Variants in TULP3 observed in about 807,000 individuals in gnomAD.
TULP3 encodes TUB like protein 3.
A neutral mutation model predicts 50.7 loss-of-function variants in TULP3; 38 were observed. The observed-to-expected ratio is 0.75, with a 90% CI of 0.58 to 0.98. TULP3 has a LOEUF of 0.98. Ranked by LOEUF, TULP3 falls within the 50% of genes least tolerant of loss-of-function variation. The pLI, the probability that TULP3 is intolerant of heterozygous loss-of-function variation, is 0.00. For synonymous variants in TULP3, 183 were observed against 196.6 expected, an observed-to-expected ratio of 0.93 and a Z score of 0.58; for missense variants, 550 against 568.0, an observed-to-expected ratio of 0.97 and a Z score of 0.32.
chr12:2,897,791 A>AAAAAAAAAC (rs1565496038), intron 1 of TULP3, among the ~76,000 whole-genome samples: 2 of 150,486 alleles, frequency 1.3e-5, no homozygotes, highest in East Asian at 3.9e-4. Context: ...AAAAAAAAAA[A>AAAAAAAAAC]TTCTAGGCCC....
In TULP3 at chr12:2,922,191, AT is replaced by A. The variant is rs1451662875; in HGVS notation, c.254-70del. 4.5e-6 allele frequency: 7 copies of A among 1,542,018 alleles called. No homozygotes were observed. In the Admixed American group the frequency reaches 9.9e-5, roughly 22 times the overall value. On this transcript the variant is annotated intron_variant, in intron 3 of 10. Transcript: ENST00000448120. ...TGGTAGTTCTTAATTCTGATCACATATGCCAAATCTACCCAACTAGTGAATA... is the reference window on the plus strand; with the variant it reads ...TGGTAGTTCTTAATTCTGATCACATAGCCAAATCTACCCAACTAGTGAATA...
In TULP3 at chr12:2,919,949, C is replaced by T. The variant is rs1290690488; in HGVS notation, c.94-814C>T. ...AAACAAGAATGCCAAACTTACTGCC[C>T]TTTGACTAATTAGAACATGGAAATA... On this transcript the variant is annotated intron_variant, in intron 2 of 10. Coordinates refer to ENST00000448120, the MANE Select transcript of TULP3 (RefSeq NM_003324.5). Among the ~76,000 whole-genome samples, 4 of 151,322 alleles carry T rather than the reference C, an allele frequency of 2.6e-5. No homozygotes were observed. In the East Asian group the frequency reaches 5.8e-4, roughly 22 times the overall value.
rs2098204253 is a variant in TULP3, at chr12:2,940,661, T to C, written c.*1217T>C. On this transcript the variant is annotated 3_prime_UTR_variant, in exon 11 of 11. Coordinates refer to ENST00000448120, the MANE Select transcript of TULP3 (RefSeq NM_003324.5). ...CCCGTGGCGGCTGCTCCCTCAGACC[T>C]CCCTTCTGTGGACTGACCTCTCACC... The C allele has an allele frequency of 1.3e-6, 2 of 1,551,556 alleles. No homozygotes were observed. Among genetic ancestry groups the C allele is most frequent in the Middle Eastern group, 1.7e-4 (1 of 6,014 alleles).
chr12:2,932,606 A>G (rs1052969678), intron 6 of TULP3, among the ~76,000 whole-genome samples: 2 of 149,506 alleles, frequency 1.3e-5, no homozygotes, highest in African/African-American at 4.9e-5. Flanking sequence ...AAAAGCCATC[A>G]CAGTAAAGAA....
chr12:2,900,043 C>T (rs932244626), intron 1 of TULP3, among the ~76,000 whole-genome samples: 5 of 150,028 alleles, frequency 3.3e-5, no homozygotes, highest in Admixed American at 6.7e-5. Flanking sequence ...GTTGGAACCC[C>T]GTCTCTACTA....
chr12:2,913,062 CTG>C (rs1248707925), intron 2 of TULP3, among the ~76,000 whole-genome samples: 1 of 151,636 alleles, frequency 6.6e-6, no homozygotes. Flanking sequence ...ACCTCTGCCT[CTG>C]TGCCCAGCCA....
At chr12:2,921,619 A>G (rs994265421) in intron 3 of TULP3, among the ~76,000 whole-genome samples, 17 of 152,278 alleles carry the variant, frequency 1.1e-4, no homozygotes, top group African/African-American at 3.8e-4. Context: ...AGGAAGAATA[A>G]GATTGTAAGT....
chr12:2,916,825 TA>T, intron 2 of TULP3, among the ~76,000 whole-genome samples: 1 of 152,370 alleles, frequency 6.6e-6, no homozygotes, highest in Admixed American at 6.5e-5. Context: ...ACTTGGACAG[TA>T]GTAAGATCAT....
At position 2,920,865 on chromosome 12, in the gene TULP3, G is replaced by C. The variant is rs1457972410; in HGVS notation, c.196G>C (p.Asp66His). 6.2e-7 allele frequency: 1 copy of C among 1,614,170 alleles called. No individual in the cohort carries two copies. Among genetic ancestry groups the C allele is most frequent in the Non-Finnish European group, 8.5e-7 (1 of 1,180,030 alleles). ...ACGTCGGGCAAAGCCAAGGGCCAGT[G>C]ATGAGCAGACTCCCTTGGTGAACTG... is the stretch of plus-strand genomic sequence containing the variant. ...RLRRAKPRAS[D>H]EQTPLVNCHT... Residue 66 changes from aspartate (D) to histidine (H), a missense_variant, in exon 3 of 11, where the codon GAT becomes CAT. Asp to His is a moderately conservative substitution (Grantham distance 81). Transcript: ENST00000448120.
At chr12:2,892,154 A>T (rs533028826) in intron 1 of TULP3, among the ~76,000 whole-genome samples, 41 of 152,274 alleles carry the variant, frequency 2.7e-4, no homozygotes, top group African/African-American at 6.0e-4. Context: ...ACAATTTTAA[A>T]CCATTTTTAA....
chr12:2,915,423 G>A (rs148101877), intron 2 of TULP3, among the ~76,000 whole-genome samples: 139 of 152,272 alleles, frequency 9.1e-4, no homozygotes, highest in Middle Eastern at 3.4e-3. Flanking sequence ...TCATCTATTT[G>A]TATGATGAGA....
At chr12:2,909,436 C>T (rs995927664) in intron 1 of TULP3, 93 bp from the exon 2 acceptor site, 1 of 1,278,690 alleles carries the variant, frequency 7.8e-7, no homozygotes, top group Non-Finnish European at 1.1e-6. Flanking sequence ...TCGATTGGTT[C>T]CAAATAGCCC....
chr12:2,907,198 T>C (rs1042028269), intron 1 of TULP3, among the ~76,000 whole-genome samples: 5 of 151,692 alleles, frequency 3.3e-5, no homozygotes, highest in Non-Finnish European at 5.9e-5. Context: ...ATTGGCCGGG[T>C]ACGATGCCTC....
chr12:2,932,131 G>A (rs186215533), intron 6 of TULP3, among the ~76,000 whole-genome samples: 1 of 152,166 alleles, frequency 6.6e-6, no homozygotes, highest in African/African-American at 2.4e-5. Flanking sequence ...GGTCACAGTG[G>A]TTTAACACAA....
rs369301787 is a variant in TULP3 at position 2,890,897 on chromosome 12, G to C, written c.-51G>C. ...GCGGCGTGCCAGCCTAGCCACTCTA[G>C]CGACGGCGGGGAAGAGTGTGTACGT... On this transcript the variant is annotated 5_prime_UTR_variant, in exon 1 of 11. Transcript: ENST00000448120. 106 of 1,535,338 alleles carry C rather than the reference G, an allele frequency of 6.9e-5. No individual in the cohort carries two copies. The African/African-American group carries it at 1.3e-3, about 19-fold the overall frequency.
chr12:2,929,167 A>C (rs1202284412), intron 4 of TULP3, among the ~76,000 whole-genome samples: 3 of 151,950 alleles, frequency 2.0e-5, no homozygotes, highest in Non-Finnish European at 1.5e-5. Context: ...AAATACAAAA[A>C]TTAGCCGGGC....
intron 1 of TULP3, among the ~76,000 whole-genome samples, chr12:2,891,319 G>T (rs2098171828): frequency 6.6e-6 from 1 of 151,686 alleles, no homozygotes; most frequent in Non-Finnish European, 1.5e-5. Context: ...CGCTGGCCCC[G>T]CTCAGCTCCC....
chr12:2,890,946 G>GC lies in TULP3; in HGVS notation c.-1dup. The stretch of plus-strand genomic sequence containing the variant: ...GTGGTGGGGGCTTCCTCGGTGGCGG[G>GC]CATGGAGGCTTCGCGCTGCCGGCTC... On this transcript the variant is annotated 5_prime_UTR_variant, in exon 1 of 11. Transcript: ENST00000448120. The GC allele has an allele frequency of 6.3e-7, 1 of 1,597,124 alleles. No individual in the cohort carries two copies. Among genetic ancestry groups the GC allele is most frequent in the Non-Finnish European group, 8.5e-7 (1 of 1,172,098 alleles).
intron 1 of TULP3, among the ~76,000 whole-genome samples, chr12:2,892,102 G>A (rs2907605): frequency 0.48 from 71,838 of 151,234 alleles, 17,485 homozygotes; most frequent in African/African-American, 0.59. Flanking sequence ...ATGATTTGAC[G>A]TGTAAGTATT....
Sources: gnomAD v4.1 joint callset for allele counts (sites outside exome capture counted in the v4.1 genomes callset) on GRCh38, gnomAD v4.1.1 for gene constraint, MANE v1.5 for transcripts, NCBI Gene and HGNC (gene_info 2026-07-23, HGNC 2026-07-21) for gene names.